Variants in SLC1A3 observed in about 807,000 individuals in gnomAD.
SLC1A3 encodes the protein excitatory amino acid transporter 1.
SLC1A3 carries 21 observed loss-of-function variants against 48.1 expected under a neutral mutation model. The ratio of observed to expected loss-of-function variants is 0.44; its 90% CI spans 0.31 to 0.63. The LOEUF (loss-of-function observed/expected upper bound fraction) is 0.63. SLC1A3 is among the 20% of genes least tolerant of loss of function. SLC1A3 has a pLI of 0.08. For missense variants in SLC1A3, 546 were observed against 689.0 expected (o/e 0.79, Z 2.32); for synonymous variants, 239 against 251.4 (o/e 0.95, Z 0.47).
At chr5:36,620,761 G>A (rs1347461313) in intron 2 of SLC1A3, among the ~76,000 whole-genome samples, 1 of 152,086 alleles carries the variant, frequency 6.6e-6, no homozygotes, top group African/African-American at 2.4e-5. Context: ...ACATTTAGCA[G>A]GCAGAGAAAA....
At chr5:36,676,029 G>T (rs566372459) in intron 5 of SLC1A3, among the ~76,000 whole-genome samples, 1 of 152,190 alleles carries the variant, frequency 6.6e-6, no homozygotes, top group East Asian at 1.9e-4. Context: ...TGTTTCATGT[G>T]GCCAGCATCT....
intron 2 of SLC1A3, among the ~76,000 whole-genome samples, chr5:36,614,999 A>C (rs1287604153): frequency 2.0e-5 from 3 of 152,234 alleles, no homozygotes; most frequent in Non-Finnish European, 4.4e-5. Flanking sequence ...CAAATAAGCA[A>C]GTGTGTTCAG....
upstream of SLC1A3, among the ~76,000 whole-genome samples, chr5:36,602,324 G>T (rs1738818044): frequency 6.6e-6 from 1 of 152,136 alleles, no homozygotes; most frequent in South Asian, 2.1e-4. Context: ...TGGGTCTACA[G>T]GACCAGTAAT....
Position 36,674,109 on chromosome 5 carries a change from A to T in SLC1A3, c.567+18A>T. On this transcript the variant is annotated intron_variant, in intron 5 of 9. Transcript: ENST00000265113. ...TTAAACAGGTAAACACTCTACAGAC[A>T]TTAACTTGCCTTTTAAATTCCTCTT... is the stretch of plus-strand genomic sequence containing the variant. 1 of 1,604,992 alleles carries T rather than the reference A, an allele frequency of 6.2e-7. No individual in the cohort carries two copies. The highest frequency in any genetic ancestry group is 1.1e-5 in the South Asian group (1 of 90,874).
At chr5:36,669,412 G>A (rs988891867) in intron 3 of SLC1A3, 2 of 152,176 alleles carry the variant, frequency 1.3e-5, no homozygotes, top group African/African-American at 4.8e-5. Flanking sequence ...GATAAAAGAG[G>A]CTAAGTGCAT....
chr5:36,634,450 G>A (rs113157177), intron 3 of SLC1A3, among the ~76,000 whole-genome samples: 1 of 152,022 alleles, frequency 6.6e-6, no homozygotes, highest in African/African-American at 2.4e-5. Context: ...TATTAATTAA[G>A]GTAGGATTTC....
intron 3 of SLC1A3, among the ~76,000 whole-genome samples, chr5:36,641,197 T>C (rs995189363): frequency 6.6e-6 from 1 of 152,212 alleles, no homozygotes; most frequent in Admixed American, 6.5e-5. Flanking sequence ...GGGGACAAAA[T>C]TTTTCATCAT....
chr5:36,634,283 G>GA (rs1740250916), intron 3 of SLC1A3, among the ~76,000 whole-genome samples: 1 of 108,912 alleles, frequency 9.2e-6, no homozygotes, highest in African/African-American at 6.0e-5. Flanking sequence ...CTCAAAAAAA[G>GA]AAATATAAAT....
chr5:36,684,021 C>G, intron 9 of SLC1A3, 23 bp downstream of exon 9: 1 of 1,614,080 alleles, frequency 6.2e-7, no homozygotes, highest in East Asian at 2.2e-5. Context: ...GGCCTGCATT[C>G]CAGCTCACTG....
intron 2 of SLC1A3, among the ~76,000 whole-genome samples, chr5:36,620,728 A>G (rs1217309736): frequency 1.3e-5 from 2 of 152,206 alleles, no homozygotes; most frequent in Non-Finnish European, 2.9e-5. Flanking sequence ...AAAACCAAAA[A>G]AAGTTCTAAC....
intron 3 of SLC1A3, among the ~76,000 whole-genome samples, chr5:36,658,254 G>C (rs1741362713): frequency 6.6e-6 from 1 of 152,196 alleles, no homozygotes; most frequent in Non-Finnish European, 1.5e-5. Context: ...TAAGAGCAAA[G>C]AGACAGAGAC....
At chr5:36,653,015 C>A (rs1384954652) in intron 3 of SLC1A3, among the ~76,000 whole-genome samples, 3 of 152,204 alleles carry the variant, frequency 2.0e-5, no homozygotes, top group Admixed American at 6.5e-5. Flanking sequence ...TATGCATTTT[C>A]TAAGATGTTT....
intron 2 of SLC1A3, among the ~76,000 whole-genome samples, chr5:36,612,075 A>ACACACACACG (rs887562078): frequency 6.7e-6 from 1 of 149,150 alleles, no homozygotes; most frequent in Non-Finnish European, 1.5e-5. Context: ...ACGCGCACAC[A>ACACACACACG]CACACACACG....
chr5:36,658,908 A>T (rs55778636), intron 3 of SLC1A3, among the ~76,000 whole-genome samples: 8,876 of 152,162 alleles, frequency 0.058, 297 homozygotes, highest in Middle Eastern at 0.12. Context: ...TCAATGAGAG[A>T]TGTCAAACTA....
chr5:36,625,209 G>C (rs1314594082), intron 2 of SLC1A3, among the ~76,000 whole-genome samples: 2 of 152,238 alleles, frequency 1.3e-5, no homozygotes, highest in African/African-American at 4.8e-5. Flanking sequence ...TGTAATCCTA[G>C]CACTTCGGGA....
At chr5:36,684,183 T>A (rs777954263) in intron 9 of SLC1A3, among the ~76,000 whole-genome samples, 185 bp downstream of exon 9, 5 of 152,232 alleles carry the variant, frequency 3.3e-5, no homozygotes, top group Non-Finnish European at 5.9e-5. Context: ...CCAGATGCCA[T>A]GTGCACTCAC....
intron 3 of SLC1A3, among the ~76,000 whole-genome samples, chr5:36,655,524 C>T (rs1430313657): frequency 6.6e-6 from 1 of 152,198 alleles, no homozygotes; most frequent in Non-Finnish European, 1.5e-5. Flanking sequence ...TTAAAAGTCA[C>T]TGTATTTTCT....
chr5:36,612,013 G>A (rs917433792), intron 2 of SLC1A3, among the ~76,000 whole-genome samples: 2 of 152,102 alleles, frequency 1.3e-5, no homozygotes, highest in African/African-American at 4.8e-5. Context: ...TTACCTGAAG[G>A]CATTCACAAA....
At chr5:36,684,380 C>T (rs1400027944) in intron 9 of SLC1A3, among the ~76,000 whole-genome samples, 1 of 152,248 alleles carries the variant, frequency 6.6e-6, no homozygotes, top group African/African-American at 2.4e-5. Flanking sequence ...TAGGCCCTGC[C>T]TCTGTGTGCT....
Sources: allele counts gnomAD v4.1 joint callset (sites outside exome capture counted in the v4.1 genomes callset), GRCh38; gene constraint gnomAD v4.1.1; transcripts MANE v1.5; gene names NCBI Gene and HGNC (gene_info 2026-07-23, HGNC 2026-07-21).